The following CACNA2D4 variants were observed in gnomAD, a reference collection of about 807,000 sequenced individuals.
CACNA2D4 encodes calcium voltage-gated channel auxiliary subunit alpha2delta 4.
A neutral mutation model predicts 163.8 loss-of-function variants in CACNA2D4; 157 were observed. The ratio of observed to expected loss-of-function variants is 0.96; its 90% CI spans 0.84 to 1.09. The LOEUF is 1.09. CACNA2D4 is among the 50% of genes least tolerant of loss of function. The pLI is 0.00. For synonymous variants in CACNA2D4, 598 were observed against 586.9 expected (o/e 1.02, Z -0.27); for missense variants, 1,410 against 1,479.9 (o/e 0.95, Z 0.78).
At chr12:1,805,737 G>A (rs988272238) in intron 29 of CACNA2D4, among the ~76,000 whole-genome samples, 3 of 152,226 alleles carry the variant, frequency 2.0e-5, no homozygotes, top group Non-Finnish European at 2.9e-5. Flanking sequence ...CAGTGGAGCA[G>A]GGCCATTTGG....
intron 35 of CACNA2D4, 155 bp from the exon 36 acceptor site, chr12:1,795,935 C>G (rs1863110740): frequency 1.6e-6 from 1 of 634,696 alleles, no homozygotes; most frequent in Non-Finnish European, 2.8e-6. Flanking sequence ...GGGAACGGGC[C>G]TGGCAGATGG....
At chr12:1,897,261 G>T (rs572445199) in intron 6 of CACNA2D4, among the ~76,000 whole-genome samples, 2 of 152,246 alleles carry the variant, frequency 1.3e-5, no homozygotes, top group Admixed American at 1.3e-4. Flanking sequence ...AAAGAGGAAG[G>T]TTAGTGGGCA....
chr12:1,907,178 A>G (rs972929904), intron 6 of CACNA2D4, among the ~76,000 whole-genome samples: 1 of 152,264 alleles, frequency 6.6e-6, no homozygotes, highest in Non-Finnish European at 1.5e-5. Context: ...TTCATGGGAC[A>G]GGAGCTTCAT....
chr12:1,891,254 A>G (rs1440586047), intron 6 of CACNA2D4, among the ~76,000 whole-genome samples: 2 of 152,220 alleles, frequency 1.3e-5, no homozygotes, highest in Non-Finnish European at 2.9e-5. Context: ...TGTCCCCAGA[A>G]AAACTTCACC....
At chr12:1,831,860 A>T (rs1253695385) in intron 26 of CACNA2D4, among the ~76,000 whole-genome samples, 1 of 151,872 alleles carries the variant, frequency 6.6e-6, no homozygotes, top group Non-Finnish European at 1.5e-5. Context: ...GGCAGTAAAG[A>T]CACCTGGGCT....
rs777772895 is a variant in CACNA2D4 at position 1,856,188 on chromosome 12, C to T, written c.2050G>A (p.Asp684Asn). 2.7e-5 allele frequency: 44 copies of T among 1,613,896 alleles called. 1 individual carries two copies. Among genetic ancestry groups the T allele is most frequent in the Non-Finnish European group, 3.4e-6 (4 of 1,179,896 alleles). Residue 684 changes from aspartate (D) to asparagine (N), a missense_variant, in exon 21 of 38, where the codon GAC (aspartate) becomes AAC (asparagine). Coordinates refer to ENST00000382722, the MANE Select transcript of CACNA2D4 (RefSeq NM_172364.5). Reference sequence around the variant, plus strand: ...CATTTTTTACTCCTCACTTACCAGTCACCGGCCAGGGCCAGGTCTGGGTGA... The same window carrying T: ...CATTTTTTACTCCTCACTTACCAGTTACCGGCCAGGGCCAGGTCTGGGTGA... Reference protein sequence around the residue: ...LLHPDLALAGDWIYCITDIDP... With the variant: ...LLHPDLALAGNWIYCITDIDP...
intron 6 of CACNA2D4, among the ~76,000 whole-genome samples, chr12:1,901,365 A>G (rs1427814603): frequency 1.3e-5 from 2 of 152,098 alleles, no homozygotes; most frequent in Admixed American, 1.3e-4. Flanking sequence ...AATAAGTGAA[A>G]TTGAAATGAT....
chr12:1,907,699 T>C, intron 5 of CACNA2D4, 128 bp from the exon 6 acceptor site: 1 of 1,179,802 alleles, frequency 8.5e-7, no homozygotes, highest in Non-Finnish European at 1.2e-6. Flanking sequence ...TGGGTGTGCC[T>C]GGTGGGCGTG....
chr12:1,849,111 G>A (rs1321250822), intron 23 of CACNA2D4, among the ~76,000 whole-genome samples: 2 of 152,214 alleles, frequency 1.3e-5, no homozygotes, highest in Non-Finnish European at 2.9e-5. Flanking sequence ...TAGGATCATG[G>A]GCTCATTTTA....
intron 18 of CACNA2D4, among the ~76,000 whole-genome samples, chr12:1,867,715 C>T (rs566028272): frequency 2.8e-4 from 42 of 148,498 alleles, no homozygotes; most frequent in Non-Finnish European, 5.5e-4. Context: ...TTATAATATC[C>T]GAAATATATA....
At chr12:1,918,091 G>C (rs1024849427) in intron 1 of CACNA2D4, 156 bp downstream of exon 1, 1 of 647,782 alleles carries the variant, frequency 1.5e-6, no homozygotes, top group Non-Finnish European at 2.7e-6. Flanking sequence ...GAAGCAAAGG[G>C]CTTTACAGCA....
At position 1,902,670 on chromosome 12, in the gene CACNA2D4, T is replaced by A. The variant is rs2470429; in HGVS notation, c.781+4770A>T. 3.4e-3 allele frequency among the ~76,000 whole-genome samples: 510 copies of A among 152,134 alleles called. 11 individuals carry two copies. In the South Asian group the frequency reaches 0.043, roughly 13 times the overall value. ...ATTAATTTAACCAAAAAAGTGAAAGTTCTCTACAAGGAAAATTATAAAATA... is the reference window on the plus strand; with the variant it reads ...ATTAATTTAACCAAAAAAGTGAAAGATCTCTACAAGGAAAATTATAAAATA... On this transcript the variant is annotated intron_variant, in intron 6 of 37. Transcript: ENST00000382722.
intron 18 of CACNA2D4, among the ~76,000 whole-genome samples, chr12:1,864,168 G>T (rs1488620142): frequency 6.6e-6 from 1 of 152,210 alleles, no homozygotes; most frequent in Non-Finnish European, 1.5e-5. Context: ...GAGCATGTCA[G>T]CCTAACGGTG....
At chr12:1,855,985 T>C (rs755453178) in intron 22 of CACNA2D4, 27 bp downstream of exon 22, 9 of 1,581,482 alleles carry the variant, frequency 5.7e-6, no homozygotes, top group Non-Finnish European at 7.0e-6. Flanking sequence ...GAGGAAAAGC[T>C]TGCCTCAGTG....
Position 1,828,269 on chromosome 12 carries a change from G to T in CACNA2D4, c.2551+12470C>A. On this transcript the variant is annotated intron_variant, in intron 26 of 37. Transcript: ENST00000382722. This position sits in a 1 kb window ranked among gnomAD's most constrained non-coding sequence, Gnocchi z 4.2. ...GTGCGGGTTGGGTGGGGGTGCCGAGGTGACTGTAGGTAGCGCCATATGGGA... is the reference window on the plus strand; with the variant it reads ...GTGCGGGTTGGGTGGGGGTGCCGAGTTGACTGTAGGTAGCGCCATATGGGA... 2.1e-6 allele frequency: 3 copies of T among 1,452,174 alleles called. No homozygotes were observed. The highest frequency in any genetic ancestry group is 2.8e-6 in the Non-Finnish European group (3 of 1,076,870). 90.0% of individuals were successfully genotyped at this position (1,452,174 alleles called of 1,614,324 possible).
Position 1,828,399 on chromosome 12 carries a change from T to C in CACNA2D4, c.2551+12340A>G, listed in dbSNP as rs554526898. 6.6e-6 allele frequency among the ~76,000 whole-genome samples: 1 copy of C among 152,342 alleles called. No homozygotes were observed. The highest frequency in any genetic ancestry group is 1.9e-4 in the East Asian group (1 of 5,182). On this transcript the variant is annotated intron_variant, in intron 26 of 37. Coordinates refer to ENST00000382722, the MANE Select transcript of CACNA2D4 (RefSeq NM_172364.5). The surrounding 1 kb of genome is among the most constrained non-coding windows in gnomAD (Gnocchi z 4.2). ...GTCACGCCCACGGTGACAGCATCCC[T>C]GCCAGTCAGAGTCACCGCTGAGTGC...
chr12:1,886,762 G>A (rs1389547250), intron 7 of CACNA2D4, among the ~76,000 whole-genome samples: 1 of 152,208 alleles, frequency 6.6e-6, no homozygotes, highest in Non-Finnish European at 1.5e-5. Flanking sequence ...CGTGGAGACA[G>A]CTCAGTGTCC....
intron 1 of CACNA2D4, chr12:1,915,334 C>G (rs577942832): frequency 2.9e-6 from 2 of 692,446 alleles, no homozygotes; most frequent in Non-Finnish European, 5.3e-6. Flanking sequence ...GCCGGGCTGA[C>G]GAGCCCAGGA....
chr12:1,846,713 T>C lies in CACNA2D4; in HGVS notation c.2247-24A>G, dbSNP rs370950593. 1.2e-4 allele frequency: 192 copies of C among 1,566,438 alleles called. 4 individuals are homozygous for C. Among genetic ancestry groups the C allele is most frequent in the Non-Finnish European group, 2.5e-5 (29 of 1,156,538 alleles). On this transcript the variant is annotated intron_variant, in intron 23 of 37. Transcript: ENST00000382722. ...CCCTGTGTGGCAGACAGAGCGGGAA[T>C]GGTCACCACATGGCTGTGGCAAGAG...
Sources: gnomAD v4.1 joint callset for allele counts (sites outside exome capture counted in the v4.1 genomes callset) on GRCh38, gnomAD v4.1.1 for gene constraint, Gnocchi (gnomAD v3.1) non-coding constraint, MANE v1.5 for transcripts, NCBI Gene and HGNC (gene_info 2026-07-23, HGNC 2026-07-21) for gene names.